The following DLGAP2 variants were observed in gnomAD, a reference collection of about 807,000 sequenced individuals.
The protein encoded by DLGAP2 is disks large-associated protein 2.
DLGAP2 carries 26 observed loss-of-function variants against 100.3 expected under a neutral mutation model. The observed-to-expected ratio is 0.26, with a 90% CI of 0.19 to 0.36. The LOEUF is 0.36. Ranked by LOEUF, DLGAP2 falls within the 10% of genes least tolerant of loss-of-function variation. DLGAP2 has a pLI of 1.00. For missense variants in DLGAP2, 1,858 were observed against 1,453.2 expected, an observed-to-expected ratio of 1.28 and a Z score of -4.53; for synonymous variants, 886 against 630.1, an observed-to-expected ratio of 1.41 and a Z score of -6.08.
At chr8:995,944 G>T (rs1392638388) in intron 2 of DLGAP2, among the ~76,000 whole-genome samples, 3 of 152,238 alleles carry the variant, frequency 2.0e-5, no homozygotes, top group African/African-American at 7.2e-5. Context: ...TGGCTGTAGT[G>T]CAGGCAGGAA....
At chr8:860,483 A>C (rs1232089846) in intron 1 of DLGAP2, among the ~76,000 whole-genome samples, 3 of 152,278 alleles carry the variant, frequency 2.0e-5, no homozygotes, top group Middle Eastern at 6.8e-3. Context: ...TCCTGGACCA[A>C]ATGACTTCGC....
chr8:854,813 A>T (rs1323767374), intron 1 of DLGAP2, among the ~76,000 whole-genome samples: 1 of 152,182 alleles, frequency 6.6e-6, no homozygotes, highest in Non-Finnish European at 1.5e-5. Context: ...GAGCTTCAGG[A>T]TGAGGTCCCT....
intron 2 of DLGAP2, among the ~76,000 whole-genome samples, chr8:1,256,969 T>G (rs1459925710): frequency 1.3e-5 from 2 of 152,102 alleles, no homozygotes; most frequent in East Asian, 2.0e-4. Flanking sequence ...CACAGAGCAG[T>G]GTGGCCCTGG....
intron 3 of DLGAP2, among the ~76,000 whole-genome samples, chr8:1,332,962 A>G (rs927005512): frequency 6.6e-5 from 10 of 152,098 alleles, no homozygotes; most frequent in African/African-American, 9.7e-5. Context: ...ACTCCCTTCC[A>G]CAAGCATGTG....
chr8:1,417,626 C>T (rs1023943870), intron 3 of DLGAP2, among the ~76,000 whole-genome samples: 23 of 8,584 alleles, frequency 2.7e-3, no homozygotes, highest in Admixed American at 5.1e-3. Flanking sequence ...ACTGCGTGGC[C>T]GCCTCCAGGG....
chr8:876,522 T>C (rs542540438), intron 1 of DLGAP2, among the ~76,000 whole-genome samples: 3 of 152,336 alleles, frequency 2.0e-5, no homozygotes, highest in African/African-American at 7.2e-5. Context: ...GGATTTCCTT[T>C]GTAAGTAACA....
intron 3 of DLGAP2, among the ~76,000 whole-genome samples, chr8:1,347,535 G>C (rs1478327447): frequency 6.6e-6 from 1 of 151,904 alleles, no homozygotes; most frequent in Admixed American, 6.6e-5. Context: ...ACTCATGGTA[G>C]CTGTGCGGAG....
chr8:1,139,042 T>C (rs537795780), intron 2 of DLGAP2, among the ~76,000 whole-genome samples: 19 of 152,370 alleles, frequency 1.2e-4, no homozygotes, highest in African/African-American at 4.6e-4. Flanking sequence ...ACTGTTCTAG[T>C]TGAAGGAACT....
At chr8:1,659,821 T>C (rs1056340548) in intron 8 of DLGAP2, among the ~76,000 whole-genome samples, 3 of 152,206 alleles carry the variant, frequency 2.0e-5, no homozygotes, top group Non-Finnish European at 4.4e-5. Context: ...GTCTTTTAAC[T>C]GGGGCATTTA....
intron 3 of DLGAP2, among the ~76,000 whole-genome samples, chr8:1,267,640 T>C (rs543598461): frequency 0.011 from 1,419 of 128,432 alleles, 207 homozygotes; most frequent in Non-Finnish European, 0.013. Flanking sequence ...TAAATAGGTC[T>C]ACAAAAAGGC....
In DLGAP2 at chr8:1,683,244, C is replaced by A. The variant is rs997064412; in HGVS notation, c.2704+4615C>A. ...TCAGAAGGCTTCCTGGAGAAGGTGG[C>A]ACTGTGCTGGGCCTTGACACGCGGT... On this transcript the variant is annotated intron_variant, in intron 12 of 14. Coordinates refer to ENST00000637795, the MANE Select transcript of DLGAP2 (RefSeq NM_001346810.2). 1.3e-5 allele frequency among the ~76,000 whole-genome samples: 2 copies of A among 151,586 alleles called. 1 individual carries two copies. Among genetic ancestry groups the A allele is most frequent in the Non-Finnish European group, 3.0e-5 (2 of 67,754 alleles).
chr8:1,334,005 G>A (rs552646727), intron 3 of DLGAP2, among the ~76,000 whole-genome samples: 8 of 152,342 alleles, frequency 5.3e-5, no homozygotes, highest in East Asian at 1.9e-4. Context: ...GCACCATGCC[G>A]GGGAAGAGGC....
chr8:1,581,453 G>A (rs1356691329), intron 6 of DLGAP2, among the ~76,000 whole-genome samples: 1 of 140,904 alleles, frequency 7.1e-6, no homozygotes, highest in Non-Finnish European at 1.5e-5. Context: ...AGAAGTGAAG[G>A]ATACAGACAA....
intron 2 of DLGAP2, among the ~76,000 whole-genome samples, chr8:1,037,073 A>C (rs1474217263): frequency 1.3e-5 from 2 of 152,086 alleles, no homozygotes; most frequent in Non-Finnish European, 1.5e-5. Flanking sequence ...GCGGACAGGC[A>C]TGCTGTGTCC....
intron 1 of DLGAP2, among the ~76,000 whole-genome samples, chr8:794,570 GTTA>G (rs1311132752): frequency 2.0e-5 from 3 of 152,268 alleles, no homozygotes. Flanking sequence ...GATCACTCAT[GTTA>G]TTGTTTGTGG....
rs982240696 is a variant in DLGAP2 at position 1,632,849 on chromosome 8, G to A, written c.1613G>A (p.Gly538Glu). Residue 538 changes from glycine (G) to glutamate (E), a missense_variant, in exon 8 of 15, where the codon GGG becomes GAG. By Grantham distance (98) the Gly-to-Glu change is moderately conservative. Transcript: ENST00000637795. ...VSQVSEAEIN[G>E]QFESVCESVF... ...CAGGTGAGCGAGGCGGAGATCAATG[G>A]GCAATTCGAGTCCGTGTGCGAGTCC... is the stretch of plus-strand genomic sequence containing the variant. 8 of 1,612,400 alleles carry A rather than the reference G, an allele frequency of 5.0e-6. No individual in the cohort carries two copies. Among genetic ancestry groups the A allele is most frequent in the African/African-American group, 1.3e-5 (1 of 74,892 alleles).
intron 3 of DLGAP2, among the ~76,000 whole-genome samples, chr8:1,453,250 G>T (rs751519539): frequency 2.0e-5 from 3 of 152,134 alleles, no homozygotes; most frequent in Non-Finnish European, 2.9e-5. Flanking sequence ...GGAATGGGCC[G>T]TGCTGGCCGG....
intron 3 of DLGAP2, among the ~76,000 whole-genome samples, chr8:1,440,655 C>G (rs887537123): frequency 6.6e-6 from 1 of 152,178 alleles, no homozygotes; most frequent in South Asian, 2.1e-4. Context: ...AACTAGTGAC[C>G]GGCTGAGCGT....
At chr8:1,440,979 C>G (rs898806069) in intron 3 of DLGAP2, among the ~76,000 whole-genome samples, 1 of 152,082 alleles carries the variant, frequency 6.6e-6, no homozygotes, top group East Asian at 1.9e-4. Flanking sequence ...TGAAACCCTC[C>G]CAGCACGGGT....
Sources: gnomAD v4.1 joint callset for allele counts (sites outside exome capture counted in the v4.1 genomes callset) on GRCh38, gnomAD v4.1.1 for gene constraint, MANE v1.5 for transcripts, NCBI Gene and HGNC (gene_info 2026-07-23, HGNC 2026-07-21) for gene names.